Variants in PRELID2 observed in about 807,000 individuals in gnomAD.
PRELID2 encodes the protein PRELI domain-containing protein 2.
PRELID2 carries 25 observed loss-of-function variants against 28.4 expected under a neutral mutation model. The observed-to-expected ratio is 0.88, with a 90% CI of 0.64 to 1.23. The LOEUF is 1.23. Ranked by LOEUF, PRELID2 falls within the 50% of genes most tolerant of loss-of-function variation. The pLI, the probability that PRELID2 is intolerant of heterozygous loss-of-function variation, is 0.00. For missense variants in PRELID2, 201 were observed against 214.4 expected (o/e 0.94, Z 0.39); for synonymous variants, 76 against 71.6 (o/e 1.06, Z -0.31).
chr5:145,393,352 AC>A, the PRELID2 span, among the ~76,000 whole-genome samples: 1 of 152,120 alleles, frequency 6.6e-6, no homozygotes, highest in African/African-American at 2.4e-5. Flanking sequence ...TCAGTGAAGC[AC>A]CTCGGTGTGG....
At chr5:145,582,051 G>A (rs776125661) in intron 1 of PRELID2, among the ~76,000 whole-genome samples, 4 of 152,038 alleles carry the variant, frequency 2.6e-5, no homozygotes, top group Admixed American at 6.6e-5. Context: ...TGAGTTGTGA[G>A]TGGTGCTACA....
At chr5:145,344,119 A>T in the PRELID2 span, among the ~76,000 whole-genome samples, 9 of 152,170 alleles carry the variant, frequency 5.9e-5, no homozygotes, top group African/African-American at 1.4e-4. Flanking sequence ...ATTATTCCAA[A>T]AAATTTAACA....
chr5:145,334,851 G>C, the PRELID2 span, among the ~76,000 whole-genome samples: 1 of 146,612 alleles, frequency 6.8e-6, no homozygotes, highest in Non-Finnish European at 1.5e-5. Context: ...GAAATATTCT[G>C]ATAGTCTTAT....
intron 4 of PRELID2, among the ~76,000 whole-genome samples, chr5:145,801,330 T>C (rs1183950896): frequency 6.6e-6 from 1 of 152,178 alleles, no homozygotes; most frequent in East Asian, 1.9e-4. Context: ...TTTCCCACGT[T>C]ATGTAATCTC....
the PRELID2 span, among the ~76,000 whole-genome samples, chr5:145,334,589 C>T: frequency 2.0e-5 from 3 of 152,096 alleles, no homozygotes; most frequent in African/African-American, 7.2e-5. Flanking sequence ...ACCTAATACT[C>T]CCATAGGTTT....
chr5:145,719,706 C>A (rs1176795346), intron 1 of PRELID2, among the ~76,000 whole-genome samples: 1 of 151,910 alleles, frequency 6.6e-6, no homozygotes, highest in African/African-American at 2.4e-5. Context: ...TTTATACAAA[C>A]CTACCGGAAG....
chr5:145,447,364 G>T, the PRELID2 span, among the ~76,000 whole-genome samples: 1 of 151,494 alleles, frequency 6.6e-6, no homozygotes, highest in Non-Finnish European at 1.5e-5. Context: ...TTACATGAAA[G>T]ATACTGAATA....
the PRELID2 span, among the ~76,000 whole-genome samples, chr5:145,439,061 A>G: frequency 7.3e-4 from 111 of 152,196 alleles, no homozygotes; most frequent in African/African-American, 2.6e-3. Context: ...GCTCAAAAAC[A>G]CTTCCTTGGT....
chr5:145,475,861 A>G (rs1231235324), intron 1 of PRELID2, among the ~76,000 whole-genome samples: 4 of 152,334 alleles, frequency 2.6e-5, no homozygotes, highest in African/African-American at 9.6e-5. Context: ...AATAATATTT[A>G]TAAAATATTT....
intron 1 of PRELID2, among the ~76,000 whole-genome samples, chr5:145,708,294 A>T (rs1245483235): frequency 6.7e-6 from 1 of 149,744 alleles, no homozygotes; most frequent in East Asian, 1.9e-4. Context: ...TAAGAAAATG[A>T]TGAATCAAGA....
At chr5:145,680,996 G>A (rs1380279173) in intron 1 of PRELID2, among the ~76,000 whole-genome samples, 1 of 152,170 alleles carries the variant, frequency 6.6e-6, no homozygotes, top group African/African-American at 2.4e-5. Flanking sequence ...ACACCCTCAC[G>A]ACCATGGCAA....
rs994361320 is a variant in PRELID2, at chr5:145,538,114, T to C, written n.71-64799A>G. The stretch of plus-strand genomic sequence containing the variant: ...AAGACTGTCTTTTCCTCAATGTGTG[T>C]TCTTGGCATCTCTATCAAAAATCAG... On this transcript the variant is annotated intron_variant and non_coding_transcript_variant, in intron 1 of 2. Coordinates refer to the PRELID2 transcript ENST00000510259. Among the ~76,000 whole-genome samples the C allele has an allele frequency of 4.3e-4, 66 of 151,976 alleles. 1 individual carries two copies. The highest frequency in any genetic ancestry group is 4.7e-4 in the Non-Finnish European group (32 of 67,920).
At chr5:145,813,784 GA>G (rs34258250) in intron 4 of PRELID2, among the ~76,000 whole-genome samples, 7,618 of 148,344 alleles carry the variant, frequency 0.051, 273 homozygotes, top group African/African-American at 0.099. Flanking sequence ...ACCAAAGGAA[GA>G]AAAAAAAAAA....
At chr5:145,448,791 A>T in the PRELID2 span, among the ~76,000 whole-genome samples, 1 of 152,120 alleles carries the variant, frequency 6.6e-6, no homozygotes, top group Non-Finnish European at 1.5e-5. Context: ...GGGAAGGTTA[A>T]ATTTAGATAA....
intron 2 of PRELID2, among the ~76,000 whole-genome samples, chr5:145,821,115 C>T (rs967200659): frequency 1.4e-5 from 2 of 143,050 alleles, no homozygotes; most frequent in East Asian, 4.1e-4. Context: ...AGTTAACAAC[C>T]GCCTGACCGT....
At chr5:145,286,345 C>T in the PRELID2 span, among the ~76,000 whole-genome samples, 14 of 152,120 alleles carry the variant, frequency 9.2e-5, no homozygotes, top group African/African-American at 2.4e-4. Context: ...TCATGGCAGT[C>T]GCTGTTTTTT....
the PRELID2 span, among the ~76,000 whole-genome samples, chr5:145,341,788 T>C: frequency 6.6e-6 from 1 of 151,734 alleles, no homozygotes; most frequent in Admixed American, 6.6e-5. Context: ...ATTTGAATTA[T>C]CAGTATTGCT....
chr5:145,737,252 G>A (rs1260754690), intron 1 of PRELID2, among the ~76,000 whole-genome samples: 1 of 152,086 alleles, frequency 6.6e-6, no homozygotes, highest in Non-Finnish European at 1.5e-5. Context: ...CTAGGCGGGA[G>A]TATAACAGGG....
At chr5:145,651,045 G>T (rs1754287684) in intron 1 of PRELID2, among the ~76,000 whole-genome samples, 1 of 152,108 alleles carries the variant, frequency 6.6e-6, no homozygotes, top group African/African-American at 2.4e-5. Flanking sequence ...TGGAAAATCG[G>T]GTCACTCTCA....
Sources: allele counts gnomAD v4.1 joint callset (sites outside exome capture counted in the v4.1 genomes callset), GRCh38; gene constraint gnomAD v4.1.1; transcripts MANE v1.5; gene names NCBI Gene and HGNC (gene_info 2026-07-23, HGNC 2026-07-21).